The following ZNF518A variants were observed in gnomAD, a reference collection of about 807,000 sequenced individuals.
ZNF518A encodes zinc finger protein 518.
A neutral mutation model predicts 102.7 loss-of-function variants in ZNF518A; 47 were observed. The ratio of observed to expected loss-of-function variants is 0.46; its 90% confidence interval spans 0.36 to 0.58. The LOEUF (loss-of-function observed/expected upper bound fraction) is 0.58. ZNF518A is among the 20% of genes least tolerant of loss of function. ZNF518A has a pLI of 0.00. For synonymous variants in ZNF518A, 652 were observed against 594.6 expected, an observed-to-expected ratio of 1.10 and a Z score of -1.40; for missense variants, 1,793 against 1,699.8, an observed-to-expected ratio of 1.05 and a Z score of -0.96.
chr10:96,141,622 A>G (rs587630335), intron 3 of ZNF518A, among the ~76,000 whole-genome samples: 1 of 152,238 alleles, frequency 6.6e-6, no homozygotes, highest in African/African-American at 2.4e-5. Context: ...TATCAATTGC[A>G]TACCAGAATG....
chr10:96,197,221 T>C (rs1305169419), intron 1 of ZNF518A, among the ~76,000 whole-genome samples: 2 of 152,204 alleles, frequency 1.3e-5, no homozygotes, highest in African/African-American at 4.8e-5. Flanking sequence ...TCTTCTTATT[T>C]TCTAAGAAAA....
intron 3 of ZNF518A, among the ~76,000 whole-genome samples, chr10:96,154,833 C>G (rs587672510): frequency 3.9e-5 from 6 of 152,102 alleles, no homozygotes; most frequent in Non-Finnish European, 7.4e-5. Context: ...TAAAACAATT[C>G]AATAATTGGT....
rs2081447758 is a variant in ZNF518A, at chr10:96,133,614, G to A, written c.-336G>A. On this transcript the variant is annotated 5_prime_UTR_variant, in exon 3 of 6. Transcript: ENST00000316045. ...GGATCTTTGAAATGCTAAGATTCTT[G>A]GATACCACAGTATCATAAAATTCCT... 6.6e-6 allele frequency: 1 copy of A among 151,998 alleles called. No homozygotes were observed. Among genetic ancestry groups the A allele is most frequent in the Non-Finnish European group, 1.5e-5 (1 of 68,004 alleles). The allele number at this position is 151,998 out of a possible 1,614,324, so 9.4% of individuals were successfully genotyped here.
At chr10:96,171,581 C>A (rs587765850) in intron 1 of ZNF518A, among the ~76,000 whole-genome samples, 1 of 152,188 alleles carries the variant, frequency 6.6e-6, no homozygotes, top group Non-Finnish European at 1.5e-5. Context: ...TAAAAATGTT[C>A]TAAAATTGTG....
In ZNF518A at chr10:96,157,731, C is replaced by T. The variant is rs782032582; in HGVS notation, c.1409C>T (p.Pro470Leu). The part of the protein sequence containing the change: ...LVPIKQNVCS[P>L]GSQSGAAKDG... The stretch of plus-strand genomic sequence containing the variant: ...CCTATCAAACAAAATGTATGTTCAC[C>T]AGGCTCACAGTCAGGTGCTGCAAAG... Residue 470 changes from proline (P) to leucine (L), a missense_variant, in exon 6 of 6, where the codon CCA becomes CTA. Coordinates refer to ENST00000316045, the MANE Select transcript of ZNF518A (RefSeq NM_001330736.2). 2 of 1,613,870 alleles carry T rather than the reference C, an allele frequency of 1.2e-6. No individual in the cohort carries two copies. Among genetic ancestry groups the T allele is most frequent in the East Asian group, 2.2e-5 (1 of 44,882 alleles).
chr10:96,200,006 T>C lies in ZNF518A; in HGVS notation n.36-3568T>C, dbSNP rs587636478. ...TCGAGCCACTGCACTCCAGTGAAAC[T>C]GCATCATCTCAAAACAAATAAATAA... On this transcript the variant is annotated intron_variant and non_coding_transcript_variant, in intron 1 of 2. Transcript: ENST00000442635. This position sits in a 1 kb window ranked among gnomAD's most constrained non-coding sequence, Gnocchi z 4.3. 1.3e-4 allele frequency: 143 copies of C among 1,134,872 alleles called. No individual in the cohort carries two copies. In the South Asian group the frequency reaches 3.6e-3, roughly 29 times the overall value. 70.3% of individuals were successfully genotyped at this position (1,134,872 alleles called of 1,614,324 possible). A position where few individuals can be genotyped will look rare whatever the true frequency, so the allele number is the denominator to read the frequency against.
At position 96,184,710 on chromosome 10, in the gene ZNF518A, C is replaced by A. The variant is rs587642567; in HGVS notation, n.36-18864C>A. On this transcript the variant is annotated intron_variant and non_coding_transcript_variant, in intron 1 of 2. Coordinates refer to the ZNF518A transcript ENST00000442635. The stretch of plus-strand genomic sequence containing the variant: ...GGGCATCCCTTTGTGGGTAACCCGA[C>A]CTTTCTCTCTGGCTGCCCTTAACAT... Among the ~76,000 whole-genome samples, 3 of 152,072 alleles carry A rather than the reference C, an allele frequency of 2.0e-5. No homozygotes were observed. The East Asian group carries it at 5.9e-4, about 30-fold the overall frequency.
At chr10:96,189,783 C>T (rs587660181) in intron 1 of ZNF518A, 3 of 876,538 alleles carry the variant, frequency 3.4e-6, no homozygotes, top group Admixed American at 3.5e-5. Flanking sequence ...TTGCTACCAC[C>T]TCCAGGGACA....
At chr10:96,182,563 G>C (rs1482376894) in intron 1 of ZNF518A, among the ~76,000 whole-genome samples, 1 of 152,132 alleles carries the variant, frequency 6.6e-6, no homozygotes, top group Non-Finnish European at 1.5e-5. Flanking sequence ...TTTGTTGCAG[G>C]CCTTTTCTGC....
In ZNF518A at chr10:96,156,462, A is replaced by G. The variant is rs782735711; in HGVS notation, c.140A>G (p.Asn47Ser). 2 of 1,613,218 alleles carry G rather than the reference A, an allele frequency of 1.2e-6. No homozygotes were observed. The highest frequency in any genetic ancestry group is 2.2e-5 in the South Asian group (2 of 90,804). The change falls in exon 6 of 6, where the codon AAT (asparagine) becomes AGT (serine). Residue 47 changes from asparagine (N) to serine (S), a missense_variant. Physicochemically the swap from Asn to Ser is conservative, Grantham distance 46. Around this residue, in one of 3 missense-constraint regions of ZNF518A, gnomAD observed 1,741 missense variants for 1,622.6 expected, o/e 1.07. Transcript: ENST00000316045. ...GGAAGTATTCATTATGCACTAAAAAATGTGAAAATTGATTTGCCAAAAATA... is the reference window on the plus strand; with the variant it reads ...GGAAGTATTCATTATGCACTAAAAAGTGTGAAAATTGATTTGCCAAAAATA... ...ISGSIHYALK[N>S]VKIDLPKINI...
At chr10:96,168,212 G>A (rs1564799605), downstream of ZNF518A, among the ~76,000 whole-genome samples, 1 of 152,140 alleles carries the variant, frequency 6.6e-6, no homozygotes, top group Non-Finnish European at 1.5e-5. Context: ...TGAGTGAGAG[G>A]CCCAGAGGTT....
intron 3 of ZNF518A, among the ~76,000 whole-genome samples, chr10:96,145,154 C>T (rs2082114392): frequency 6.6e-6 from 1 of 152,030 alleles, no homozygotes; most frequent in Non-Finnish European, 1.5e-5. Context: ...ACTGCAACCT[C>T]CACCTCCTGG....
chr10:96,174,402 A>G (rs935111469), intron 1 of ZNF518A, among the ~76,000 whole-genome samples: 1 of 152,144 alleles, frequency 6.6e-6, no homozygotes, highest in African/African-American at 2.4e-5. Context: ...AAAGGTCAAC[A>G]AAATTGACAA....
chr10:96,132,298 G>A (rs897015901), intron 1 of ZNF518A, among the ~76,000 whole-genome samples: 1 of 151,446 alleles, frequency 6.6e-6, no homozygotes, highest in African/African-American at 2.4e-5. Context: ...ATTGGAACCG[G>A]ATCCAGATAT....
chr10:96,158,252 A>G lies in ZNF518A; in HGVS notation c.1930A>G (p.Lys644Glu). The change falls in exon 6 of 6, where the codon AAA becomes GAA. Residue 644 changes from lysine to glutamate, a missense_variant. By Grantham distance (56) the Lys-to-Glu change is moderately conservative. Transcript: ENST00000316045. ...QGSLPFHNYSKVNNSNKRRRF... is the reference protein window; with the variant it reads ...QGSLPFHNYSEVNNSNKRRRF... ...ATCATTACCTTTTCATAATTACTCAAAAGTGAATAATTCTAATAAACGTCG... is the reference window on the plus strand; with the variant it reads ...ATCATTACCTTTTCATAATTACTCAGAAGTGAATAATTCTAATAAACGTCG... 1 of 1,613,622 alleles carries G rather than the reference A, an allele frequency of 6.2e-7. No individual in the cohort carries two copies. The highest frequency in any genetic ancestry group is 8.5e-7 in the Non-Finnish European group (1 of 1,179,654).
At chr10:96,139,922 G>C (rs1469880011) in intron 3 of ZNF518A, among the ~76,000 whole-genome samples, 1 of 150,714 alleles carries the variant, frequency 6.6e-6, no homozygotes, top group African/African-American at 2.4e-5. Context: ...GCAATGGTGT[G>C]ATCTCGGCTG....
Position 96,163,482 on chromosome 10 carries a change from T to G in ZNF518A, c.*2708T>G, listed in dbSNP as rs2083075545. On this transcript the variant is annotated 3_prime_UTR_variant, in exon 6 of 6. Transcript: ENST00000316045. ...GTCCATCTCCACTGAAATGGGTTTC[T>G]TACTATTTGGCAAGTACTTAAAAAA... 1 of 167,108 alleles carries G rather than the reference T, an allele frequency of 6.0e-6. No homozygotes were observed. Among genetic ancestry groups the G allele is most frequent in the African/African-American group, 2.4e-5 (1 of 41,474 alleles). 10.4% of individuals were successfully genotyped at this position (167,108 alleles called of 1,614,324 possible).
intron 1 of ZNF518A, among the ~76,000 whole-genome samples, chr10:96,173,544 A>G (rs1902699): frequency 0.24 from 36,427 of 152,114 alleles, 5,624 homozygotes; most frequent in Middle Eastern, 0.36. Flanking sequence ...GGGAAATTTT[A>G]TAACAGTAAA....
intron 1 of ZNF518A, among the ~76,000 whole-genome samples, chr10:96,179,782 T>C (rs1211260105): frequency 6.6e-6 from 1 of 152,004 alleles, no homozygotes; most frequent in Non-Finnish European, 1.5e-5. Context: ...TTCTTCCTTT[T>C]CTTCTTCCTC....
Sources: gnomAD v4.1 joint callset for allele counts (sites outside exome capture counted in the v4.1 genomes callset) on GRCh38, gnomAD v4.1.1 for gene constraint, gnomAD v4.1.1 regional missense constraint, Gnocchi (gnomAD v3.1) non-coding constraint, MANE v1.5 for transcripts, NCBI Gene and HGNC (gene_info 2026-07-23, HGNC 2026-07-21) for gene names.